The following TAFA4 variants were observed in gnomAD, a reference collection of about 807,000 sequenced individuals.
TAFA4 encodes the protein chemokine-like protein TAFA-4.
In TAFA4, 20 loss-of-function variants were observed where a neutral mutation model predicts 21.1. The observed-to-expected ratio is 0.95, with a 90% CI of 0.67 to 1.38. The LOEUF (loss-of-function observed/expected upper bound fraction) is 1.38. TAFA4 is among the 40% of genes most tolerant of loss of function. The probability of loss-of-function intolerance (pLI) is 0.00; values close to 1 mark genes in which losing one functional copy is unlikely to be tolerated. For missense variants in TAFA4, 211 were observed against 180.9 expected (o/e 1.17, Z -0.95); for synonymous variants, 71 against 67.4 (o/e 1.05, Z -0.26).
chr3:68,886,102 A>G (rs77922883), intron 1 of TAFA4, among the ~76,000 whole-genome samples: 1,739 of 152,364 alleles, frequency 0.011, 34 homozygotes, highest in African/African-American at 0.039. Context: ...AGTTGCAAAT[A>G]TAACATAAAA....
At chr3:68,922,650 C>A (rs1298067178) in intron 1 of TAFA4, among the ~76,000 whole-genome samples, 1 of 152,128 alleles carries the variant, frequency 6.6e-6, no homozygotes, top group Admixed American at 6.6e-5. Context: ...CACTTGGGAT[C>A]CTGAGTCTTT....
At chr3:68,743,575 C>CAAAAAAA (rs1156284708) in intron 4 of TAFA4, among the ~76,000 whole-genome samples, 1 of 65,746 alleles carries the variant, frequency 1.5e-5, no homozygotes, top group African/African-American at 5.6e-5. Context: ...GACTCTGTCT[C>CAAAAAAA]AAAAAAAAAA....
intron 3 of TAFA4, among the ~76,000 whole-genome samples, chr3:68,866,068 G>A (rs1426335509): frequency 6.6e-6 from 1 of 152,108 alleles, no homozygotes; most frequent in African/African-American, 2.4e-5. Context: ...AACACAGCAA[G>A]TGCCGGTAGG....
chr3:68,884,368 G>T (rs35179595), intron 2 of TAFA4, among the ~76,000 whole-genome samples: 3,535 of 152,254 alleles, frequency 0.023, 100 homozygotes, highest in East Asian at 0.1. Context: ...GATCTGTGGG[G>T]TGGCCATCTC....
Position 68,880,798 on chromosome 3 carries a change from A to T in TAFA4, c.62T>A (p.Leu21Gln), listed in dbSNP as rs1236323726. 1 of 1,613,728 alleles carries T rather than the reference A, an allele frequency of 6.2e-7. No homozygotes were observed. The highest frequency in any genetic ancestry group is 1.3e-5 in the African/African-American group (1 of 74,938). Residue 21 changes from leucine (L) to glutamine (Q), a missense_variant, in exon 3 of 6, where the codon CTA becomes CAA. Transcript: ENST00000295569. ...ACAGCACACCATTAACACGTAGGCT[A>T]GAAAGAGCCAGTGCGACAGCAACAC... is the stretch of plus-strand genomic sequence containing the variant. ...KSVLLSHWLF[L>Q]AYVLMVCCKL...
intron 3 of TAFA4, among the ~76,000 whole-genome samples, chr3:68,754,371 G>A (rs1414456782): frequency 6.6e-6 from 1 of 152,132 alleles, no homozygotes; most frequent in Admixed American, 6.5e-5. Flanking sequence ...CTCCTCCTCA[G>A]TCTTTCTTTC....
intron 1 of TAFA4, among the ~76,000 whole-genome samples, chr3:68,909,180 CAAAAA>C (rs1190123978): frequency 6.6e-6 from 1 of 151,922 alleles, no homozygotes; most frequent in African/African-American, 2.4e-5. Flanking sequence ...GCAAACCCCC[CAAAAA>C]AAAAAGGGAT....
intron 3 of TAFA4, among the ~76,000 whole-genome samples, chr3:68,815,504 G>C (rs1703953783): frequency 6.6e-6 from 1 of 152,094 alleles, no homozygotes; most frequent in Non-Finnish European, 1.5e-5. Flanking sequence ...GTGGGCAAAG[G>C]ATATGAACAG....
At chr3:68,737,389 C>T (rs983964) in intron 5 of TAFA4, among the ~76,000 whole-genome samples, 38,880 of 151,948 alleles carry the variant, frequency 0.26, 5,865 homozygotes, top group East Asian at 0.63. Context: ...GACCTCCTTG[C>T]ACCACCAGTA....
In TAFA4 at chr3:68,899,315, AAATAT is replaced by A. The variant is rs1195354947; in HGVS notation, c.-122-14010_-122-14006del. 5.9e-5 allele frequency among the ~76,000 whole-genome samples: 9 copies of A among 152,312 alleles called. No individual in the cohort carries two copies. The South Asian group carries it at 1.9e-3, about 32-fold the overall frequency. On this transcript the variant is annotated intron_variant, in intron 1 of 5. Coordinates refer to ENST00000295569, the MANE Select transcript of TAFA4 (RefSeq NM_182522.5). The stretch of plus-strand genomic sequence containing the variant: ...TATTTTAGACATAGCCAGCTAAATA[AAATAT>A]AATATGAAAATTAAACATAAAATTC...
chr3:68,751,066 G>T (rs1465273541), intron 4 of TAFA4, among the ~76,000 whole-genome samples: 1 of 152,202 alleles, frequency 6.6e-6, no homozygotes, highest in Non-Finnish European at 1.5e-5. Flanking sequence ...GAATTAAGCA[G>T]ACCAGGTGTG....
intron 5 of TAFA4, 39 bp downstream of exon 5, chr3:68,739,036 A>T: frequency 6.2e-7 from 1 of 1,609,108 alleles, no homozygotes; most frequent in Non-Finnish European, 8.5e-7. Context: ...CCCACAGTTG[A>T]TAACTTGTAA....
intron 1 of TAFA4, among the ~76,000 whole-genome samples, chr3:68,901,451 G>A (rs2089843370): frequency 6.6e-6 from 1 of 152,118 alleles, no homozygotes; most frequent in South Asian, 2.1e-4. Context: ...AAGCTAATTA[G>A]TTGTAGAGCT....
At chr3:68,813,088 C>A (rs939161446) in intron 3 of TAFA4, among the ~76,000 whole-genome samples, 1 of 151,952 alleles carries the variant, frequency 6.6e-6, no homozygotes, top group Non-Finnish European at 1.5e-5. Context: ...GGGTACATAA[C>A]GAAATGAAGG....
intron 4 of TAFA4, among the ~76,000 whole-genome samples, chr3:68,748,893 T>C (rs1326488870): frequency 1.3e-5 from 2 of 152,246 alleles, no homozygotes; most frequent in Non-Finnish European, 2.9e-5. Context: ...TAAACTTCCT[T>C]GTACTACACA....
At chr3:68,838,850 A>C (rs988455913) in intron 3 of TAFA4, among the ~76,000 whole-genome samples, 4 of 152,124 alleles carry the variant, frequency 2.6e-5, no homozygotes, top group South Asian at 2.1e-4. Flanking sequence ...TAATCCCAGC[A>C]CTTTGGGAGG....
chr3:68,811,721 G>T (rs1013076254), intron 3 of TAFA4, among the ~76,000 whole-genome samples: 1 of 152,214 alleles, frequency 6.6e-6, no homozygotes, highest in African/African-American at 2.4e-5. Context: ...AAGTGACGGG[G>T]AGAATGGAAC....
At chr3:68,733,627 G>C (rs1423602417) in intron 5 of TAFA4, among the ~76,000 whole-genome samples, 1 of 152,078 alleles carries the variant, frequency 6.6e-6, no homozygotes, top group Non-Finnish European at 1.5e-5. Flanking sequence ...AAAAGGTAGT[G>C]GTTGTATTTT....
chr3:68,858,015 G>C (rs1705109672), intron 3 of TAFA4, among the ~76,000 whole-genome samples: 1 of 151,994 alleles, frequency 6.6e-6, no homozygotes, highest in South Asian at 2.1e-4. Context: ...CAAACATCAA[G>C]TCTCCAGGGA....
Sources: gnomAD v4.1 joint callset for allele counts (sites outside exome capture counted in the v4.1 genomes callset) on GRCh38, gnomAD v4.1.1 for gene constraint, MANE v1.5 for transcripts, NCBI Gene and HGNC (gene_info 2026-07-23, HGNC 2026-07-21) for gene names.